AGAP1: variants seen among roughly 807,000 people sequenced by gnomAD.
The protein encoded by AGAP1 is ArfGAP with GTPase domain, ankyrin repeat and PH domain 1.
A neutral mutation model predicts 105.3 loss-of-function variants in AGAP1; 29 were observed. The observed-to-expected ratio is 0.28, with a 90% CI of 0.21 to 0.38. AGAP1 has a LOEUF of 0.38. Ranked by LOEUF, AGAP1 falls within the 10% of genes least tolerant of loss-of-function variation. The probability of loss-of-function intolerance (pLI) is 1.00; values close to 1 mark genes in which losing one functional copy is unlikely to be tolerated. For missense variants in AGAP1, 998 were observed against 1,165.1 expected (o/e 0.86, Z 2.09); for synonymous variants, 509 against 485.9 (o/e 1.05, Z -0.63).
At chr2:235,584,341 G>A (rs73996178) in intron 1 of AGAP1, among the ~76,000 whole-genome samples, 1,971 of 151,358 alleles carry the variant, frequency 0.013, 48 homozygotes, top group African/African-American at 0.045. Context: ...CAAGGTTAAG[G>A]GACGACTGTG....
chr2:235,774,426 G>T (rs922144254), intron 6 of AGAP1: 2 of 467,610 alleles, frequency 4.3e-6, no homozygotes, highest in Admixed American at 2.4e-5. Context: ...CTTCCATCAC[G>T]GCAGGCAGTC....
At chr2:235,794,597 A>C (rs1395566430) in intron 6 of AGAP1, among the ~76,000 whole-genome samples, 2 of 152,096 alleles carry the variant, frequency 1.3e-5, no homozygotes, top group East Asian at 3.9e-4. Context: ...TCAGCCTCCC[A>C]AGTAGTTGGG....
rs889245720 is a variant in AGAP1, at chr2:235,824,068, A to G, written c.1050+16737A>G. On this transcript the variant is annotated intron_variant, in intron 9 of 17. Coordinates refer to ENST00000304032, the MANE Select transcript of AGAP1 (RefSeq NM_001037131.3). This position sits in a 1 kb window ranked among gnomAD's most constrained non-coding sequence, Gnocchi z 5.2. ...CCTTATGTAGCACCGAGCTCCCAGT[A>G]TGTAACTTAACTTATATATAACTTA... Among the ~76,000 whole-genome samples, 1 of 152,246 alleles carries G rather than the reference A, an allele frequency of 6.6e-6. No homozygotes were observed. The highest frequency in any genetic ancestry group is 6.5e-5 in the Admixed American group (1 of 15,284).
chr2:236,075,683 C>G (rs187841203), intron 16 of AGAP1, among the ~76,000 whole-genome samples: 2 of 152,310 alleles, frequency 1.3e-5, no homozygotes, highest in East Asian at 3.9e-4. Flanking sequence ...CTTTGAGGAG[C>G]TTATAGCCCC....
intron 9 of AGAP1, among the ~76,000 whole-genome samples, chr2:235,844,614 C>T (rs994090124): frequency 2.0e-5 from 3 of 152,144 alleles, no homozygotes; most frequent in Admixed American, 6.5e-5. Flanking sequence ...CAGCTTGGCA[C>T]GGCATTTAAG....
chr2:235,972,696 G>A (rs1477257358), intron 13 of AGAP1, among the ~76,000 whole-genome samples: 1 of 152,122 alleles, frequency 6.6e-6, no homozygotes, highest in African/African-American at 2.4e-5. Flanking sequence ...GAGAGCCCAC[G>A]ATGCCAGTCA....
intron 12 of AGAP1, 145 bp from the exon 13 acceptor site, chr2:235,968,317 A>G (rs1425078417): frequency 2.7e-6 from 3 of 1,123,396 alleles, no homozygotes; most frequent in Admixed American, 3.3e-5. Flanking sequence ...TAGGCCTCCA[A>G]CTCAGCAATA....
Position 235,741,943 on chromosome 2 carries a change from T to C in AGAP1, c.396+895T>C, listed in dbSNP as rs192288991. Reference sequence around the variant, plus strand: ...TAATTTTTTGTATTTTTAGTAGAGATGGAGTTTCACCATGTTAGCCAGGAT... The same window carrying C: ...TAATTTTTTGTATTTTTAGTAGAGACGGAGTTTCACCATGTTAGCCAGGAT... On this transcript the variant is annotated intron_variant, in intron 4 of 17. Coordinates refer to ENST00000304032, the MANE Select transcript of AGAP1 (RefSeq NM_001037131.3). The surrounding 1 kb of genome is among the most constrained non-coding windows in gnomAD (Gnocchi z 4.9). Among the ~76,000 whole-genome samples the C allele has an allele frequency of 1.7e-3, 259 of 151,904 alleles. 1 individual carries two copies. The highest frequency in any genetic ancestry group is 5.5e-3 in the African/African-American group (228 of 41,434).
intron 10 of AGAP1, among the ~76,000 whole-genome samples, chr2:235,898,278 G>A (rs945478024): frequency 1.3e-5 from 2 of 152,136 alleles, no homozygotes; most frequent in Non-Finnish European, 1.5e-5. Flanking sequence ...CAAAGGGAAC[G>A]GGGCCTTTTG....
chr2:236,021,240 G>C (rs1329880525), intron 13 of AGAP1, among the ~76,000 whole-genome samples: 1 of 151,310 alleles, frequency 6.6e-6, no homozygotes, highest in African/African-American at 2.4e-5. Flanking sequence ...AACTAGAATT[G>C]ACGTTTTGGG....
At chr2:235,520,441 C>T (rs1210752940) in intron 1 of AGAP1, among the ~76,000 whole-genome samples, 3 of 152,072 alleles carry the variant, frequency 2.0e-5, no homozygotes, top group African/African-American at 4.8e-5. Context: ...AGTCAGTCAG[C>T]GTGCTCCTTT....
rs183788934 is a variant in AGAP1, at chr2:235,569,902, A to C, written c.163+75053A>C. ...TACTTGTTTAGTGAAAACAGCAAAA[A>C]TTTAGAATGTTTATAGAATTGAACA... On this transcript the variant is annotated intron_variant, in intron 1 of 17. Coordinates refer to ENST00000304032, the MANE Select transcript of AGAP1 (RefSeq NM_001037131.3). This position sits in a 1 kb window ranked among gnomAD's most constrained non-coding sequence, Gnocchi z 5.9. Among the ~76,000 whole-genome samples the C allele has an allele frequency of 3.0e-4, 46 of 152,326 alleles. No homozygotes were observed. The East Asian group carries it at 8.9e-3, about 29-fold the overall frequency.
intron 9 of AGAP1, among the ~76,000 whole-genome samples, chr2:235,828,467 G>A (rs1959170459): frequency 6.6e-6 from 1 of 152,208 alleles, no homozygotes; most frequent in Admixed American, 6.5e-5. Context: ...CACTCAGCCT[G>A]GGAGTGGTAA....
chr2:235,710,764 C>G (rs1194374049), intron 2 of AGAP1, among the ~76,000 whole-genome samples: 1 of 152,302 alleles, frequency 6.6e-6, no homozygotes, highest in East Asian at 1.9e-4. Flanking sequence ...ATTCTCAGAA[C>G]AATCCCGCAG....
rs1012889939 is a variant in AGAP1, at chr2:236,053,117, G to A, written c.2114+3836G>A. Reference sequence around the variant, plus strand: ...CTGGGCCGGGGGCCACCAGCCAGGCGGGGCTCTGGGTTCCAGTGTTAGAGG... The same window carrying A: ...CTGGGCCGGGGGCCACCAGCCAGGCAGGGCTCTGGGTTCCAGTGTTAGAGG... On this transcript the variant is annotated intron_variant, in intron 16 of 17. Coordinates refer to ENST00000304032, the MANE Select transcript of AGAP1 (RefSeq NM_001037131.3). This position sits in a 1 kb window ranked among gnomAD's most constrained non-coding sequence, Gnocchi z 4.6. Among the ~76,000 whole-genome samples, 7 of 152,194 alleles carry A rather than the reference G, an allele frequency of 4.6e-5. 1 individual carries two copies. In the South Asian group the frequency reaches 8.3e-4, roughly 18 times the overall value.
At chr2:235,501,808 C>T (rs948942654) in intron 1 of AGAP1, among the ~76,000 whole-genome samples, 1 of 152,140 alleles carries the variant, frequency 6.6e-6, no homozygotes, top group African/African-American at 2.4e-5. Flanking sequence ...CCAGCCTTCA[C>T]GTCCTTAGCT....
chr2:235,717,390 T>C (rs1951170439), intron 2 of AGAP1, among the ~76,000 whole-genome samples, 167 bp from the exon 3 acceptor site: 1 of 152,254 alleles, frequency 6.6e-6, no homozygotes, highest in Non-Finnish European at 1.5e-5. Context: ...AGTGTTGGAC[T>C]CCCTTTTACT....
intron 6 of AGAP1, among the ~76,000 whole-genome samples, chr2:235,761,786 G>GTT (rs143826425): frequency 6.9e-6 from 1 of 145,170 alleles, no homozygotes; most frequent in Non-Finnish European, 1.5e-5. Flanking sequence ...TTATTTTGAA[G>GTT]TTTTTTATAA....
At chr2:235,678,213 A>T (rs1948863030) in intron 1 of AGAP1, among the ~76,000 whole-genome samples, 1 of 152,094 alleles carries the variant, frequency 6.6e-6, no homozygotes. Context: ...ACCTTCTGAG[A>T]GTCTGTTCTC....
Sources: gnomAD v4.1 joint callset for allele counts (sites outside exome capture counted in the v4.1 genomes callset) on GRCh38, gnomAD v4.1.1 for gene constraint, Gnocchi (gnomAD v3.1) non-coding constraint, MANE v1.5 for transcripts, NCBI Gene and HGNC (gene_info 2026-07-23, HGNC 2026-07-21) for gene names.